SCN10A: variants seen among roughly 807,000 people sequenced by gnomAD.
SCN10A encodes the protein sodium voltage-gated channel alpha subunit 10, also known as sodium channel protein type 10 subunit alpha.
A neutral mutation model predicts 170.7 loss-of-function variants in SCN10A; 162 were observed. That is an observed-to-expected ratio of 0.95 (90% CI 0.84 to 1.08). The LOEUF is 1.08. Among genes scored for constraint, SCN10A ranks in the 50% least tolerant of loss-of-function variants. SCN10A has a pLI of 0.00. For synonymous variants in SCN10A, 985 were observed against 904.6 expected (o/e 1.09, Z -1.59); for missense variants, 2,527 against 2,436.9 (o/e 1.04, Z -0.78).
intron 15 of SCN10A, among the ~76,000 whole-genome samples, chr3:38,736,186 T>C (rs2063558354): frequency 6.6e-6 from 1 of 152,200 alleles, no homozygotes; most frequent in African/African-American, 2.4e-5. Flanking sequence ...GTAGGCCTTT[T>C]TGGCTGGAGC....
In SCN10A at chr3:38,723,437, G is replaced by T. The variant is rs1478144117; in HGVS notation, c.3345C>A (p.Phe1115Leu). Residue 1115 changes from phenylalanine (F) to leucine (L), a missense_variant, in exon 19 of 28, where the codon TTC becomes TTA. Coordinates refer to ENST00000449082, the MANE Select transcript of SCN10A (RefSeq NM_006514.4). ...CTGTGGCTGTCCCTTCACCTTCTGT[G>T]AAGCAGTCATCTGGTTCTTCCAGGT... ...ADDLEEPDDCFTEGCIRHCPC... is the reference protein window; with the variant it reads ...ADDLEEPDDCLTEGCIRHCPC... 1 of 1,614,070 alleles carries T rather than the reference G, an allele frequency of 6.2e-7. No individual in the cohort carries two copies. The highest frequency in any genetic ancestry group is 8.5e-7 in the Non-Finnish European group (1 of 1,180,024).
chr3:38,812,972 G>A (rs921442327), intron 1 of SCN10A, among the ~76,000 whole-genome samples: 5 of 152,128 alleles, frequency 3.3e-5, no homozygotes, highest in Admixed American at 2.0e-4. Flanking sequence ...GGTCAAGGCT[G>A]CAGTGAGCTG....
At chr3:38,789,859 C>G (rs1390891207) in intron 3 of SCN10A, among the ~76,000 whole-genome samples, 1 of 152,102 alleles carries the variant, frequency 6.6e-6, no homozygotes, top group African/African-American at 2.4e-5. Context: ...ATTGTTCCCA[C>G]TTGGACATTT....
At chr3:38,802,808 T>G (rs568969981) in intron 1 of SCN10A, among the ~76,000 whole-genome samples, 48 of 152,214 alleles carry the variant, frequency 3.2e-4, no homozygotes, top group African/African-American at 1.1e-3. Context: ...TGGGATCTAA[T>G]TAAACTAAAG....
chr3:38,777,677 C>T (rs763291307), intron 4 of SCN10A, among the ~76,000 whole-genome samples: 3 of 152,094 alleles, frequency 2.0e-5, no homozygotes, highest in Admixed American at 6.6e-5. Context: ...GCATGTGAAT[C>T]GACCAGGTCA....
chr3:38,715,636 A>G (rs921748451), intron 21 of SCN10A, among the ~76,000 whole-genome samples: 1 of 152,126 alleles, frequency 6.6e-6, no homozygotes, highest in African/African-American at 2.4e-5. Context: ...GGTCCTGCTC[A>G]TTTCTATGCC....
intron 1 of SCN10A, among the ~76,000 whole-genome samples, chr3:38,802,051 T>C (rs2064374765): frequency 6.6e-6 from 1 of 152,184 alleles, no homozygotes; most frequent in African/African-American, 2.4e-5. Context: ...CCTATCTCAA[T>C]AAACTTCATA....
chr3:38,718,606 C>T (rs1233283409), intron 21 of SCN10A, 47 bp downstream of exon 21: 4 of 1,599,684 alleles, frequency 2.5e-6, no homozygotes, highest in Non-Finnish European at 8.5e-7. Flanking sequence ...AGCCAGGAGT[C>T]AGAGGGGAGG....
chr3:38,737,832 C>CTTTCTTTCTTTT (rs373851282), intron 15 of SCN10A, among the ~76,000 whole-genome samples: 6 of 70,232 alleles, frequency 8.5e-5, no homozygotes, highest in African/African-American at 2.9e-4. Context: ...TTCTTTCTTT[C>CTTTCTTTCTTTT]TCTTTCTTCT....
At position 38,756,985 on chromosome 3, in the gene SCN10A, A is replaced by G. The variant is rs771057618; in HGVS notation, c.1092+33T>C. ...CATGCAGCTGACCCACCAGCCTCCA[A>G]CCAAGTCTGCGTGGGGGAATGCAGC... On this transcript the variant is annotated intron_variant, in intron 9 of 27. Transcript: ENST00000449082. 2.6e-5 allele frequency: 42 copies of G among 1,602,986 alleles called. No homozygotes were observed. The African/African-American group carries it at 4.3e-4, about 16-fold the overall frequency.
intron 11 of SCN10A, among the ~76,000 whole-genome samples, chr3:38,752,713 C>T (rs189981811): frequency 3.9e-5 from 6 of 152,244 alleles, no homozygotes; most frequent in Non-Finnish European, 7.4e-5. Flanking sequence ...AGATAGACTC[C>T]GGGAAAGACC....
Position 38,726,872 on chromosome 3 carries a change from G to T in SCN10A, c.2821C>A (p.Pro941Thr). Reference sequence around the variant, plus strand: ...ACCACCAGCTCAGGCTCTGCCTTGGGCTGGGGGAATGGGCAGGACCTGCTG... The same window carrying T: ...ACCACCAGCTCAGGCTCTGCCTTGGTCTGGGGGAATGGGCAGGACCTGCTG... The part of the protein sequence containing the change: ...FFSRSCPFPQ[P>T]KAEPELVVKL... The change falls in exon 17 of 28, where the codon CCC becomes ACC. Residue 941 changes from proline to threonine, a missense_variant. Transcript: ENST00000449082. The T allele has an allele frequency of 1.2e-6, 2 of 1,614,222 alleles. No homozygotes were observed. Among genetic ancestry groups the T allele is most frequent in the Non-Finnish European group, 1.7e-6 (2 of 1,180,040 alleles).
intron 21 of SCN10A, 127 bp downstream of exon 21, chr3:38,718,526 A>T: frequency 1.1e-6 from 1 of 909,196 alleles, no homozygotes; most frequent in East Asian, 2.5e-5. Context: ...ACTCCTCACT[A>T]AATGCTCAAA....
intron 20 of SCN10A, among the ~76,000 whole-genome samples, chr3:38,720,035 GTC>G (rs1374212227): frequency 2.6e-5 from 4 of 152,248 alleles, no homozygotes; most frequent in African/African-American, 9.6e-5. Flanking sequence ...TTACAAGGCT[GTC>G]TTCTTTGCCT....
chr3:38,785,627 C>T (rs1257135374), intron 4 of SCN10A, among the ~76,000 whole-genome samples: 1 of 152,082 alleles, frequency 6.6e-6, no homozygotes, highest in East Asian at 1.9e-4. Flanking sequence ...CCAAAATTGA[C>T]AAATGGAATC....
intron 1 of SCN10A, among the ~76,000 whole-genome samples, chr3:38,804,478 A>G (rs890717348): frequency 6.6e-6 from 1 of 152,110 alleles, no homozygotes; most frequent in Non-Finnish European, 1.5e-5. Context: ...GATTTTGTCT[A>G]TTTGCTTAGC....
At chr3:38,748,021 C>A (rs1462032187) in intron 13 of SCN10A, among the ~76,000 whole-genome samples, 1 of 152,054 alleles carries the variant, frequency 6.6e-6, no homozygotes, top group Non-Finnish European at 1.5e-5. Flanking sequence ...GCCACACACA[C>A]AACAGGGGCT....
At chr3:38,715,806 G>C (rs1055836093) in intron 21 of SCN10A, among the ~76,000 whole-genome samples, 1 of 152,212 alleles carries the variant, frequency 6.6e-6, no homozygotes, top group African/African-American at 2.4e-5. Context: ...TGTCTTGTCT[G>C]CTGAAAGACT....
intron 9 of SCN10A, 71 bp from the exon 10 acceptor site, chr3:38,756,942 C>T (rs2063813944): frequency 1.2e-6 from 2 of 1,607,060 alleles, no homozygotes; most frequent in East Asian, 2.2e-5. Flanking sequence ...AGTCAGCCTC[C>T]TCCAGGAAAA....
Sources: gnomAD v4.1 joint callset for allele counts (sites outside exome capture counted in the v4.1 genomes callset) on GRCh38, gnomAD v4.1.1 for gene constraint, MANE v1.5 for transcripts, NCBI Gene and HGNC (gene_info 2026-07-23, HGNC 2026-07-21) for gene names.